The following STX17 variants were observed in gnomAD, a reference collection of about 807,000 sequenced individuals.
STX17 encodes the protein syntaxin-17.
Under a neutral mutation model 35.9 loss-of-function variants are expected in STX17, and 29 were observed. The observed-to-expected ratio is 0.81, with a 90% confidence interval of 0.60 to 1.10. The LOEUF (loss-of-function observed/expected upper bound fraction) is 1.10. Ranked by LOEUF, STX17 falls within the 50% of genes least tolerant of loss-of-function variation. The pLI, the probability that STX17 is intolerant of heterozygous loss-of-function variation, is 0.00. For synonymous variants in STX17, 92 were observed against 118.3 expected (o/e 0.78, Z 1.44); for missense variants, 312 against 352.3 (o/e 0.89, Z 0.92).
chr9:99,967,796 G>C (rs1025764709), intron 7 of STX17, 57 bp downstream of exon 7: 17 of 1,475,736 alleles, frequency 1.2e-5, no homozygotes, highest in Admixed American at 1.7e-5. Context: ...GGAATCTCTA[G>C]TATTAACCCA....
chr9:99,932,400 T>G (rs548661289), intron 3 of STX17, among the ~76,000 whole-genome samples: 1 of 152,118 alleles, frequency 6.6e-6, no homozygotes, highest in Non-Finnish European at 1.5e-5. Flanking sequence ...TCTCTATAGC[T>G]GTATTTACTG....
At position 99,959,904 on chromosome 9, in the gene STX17, T is replaced by G; in HGVS notation, c.416-13T>G. ...AAATAAACTCTAAACATGGGGTTAT[T>G]ATGTTCATCCAGGAGCATTTCATAC... is the stretch of plus-strand genomic sequence containing the variant. On this transcript the variant is annotated splice_polypyrimidine_tract_variant and intron_variant, in intron 4 of 7. Coordinates refer to ENST00000259400, the MANE Select transcript of STX17 (RefSeq NM_017919.3). 1 of 1,577,012 alleles carries G rather than the reference T, an allele frequency of 6.3e-7. No individual in the cohort carries two copies.
At chr9:99,952,420 A>T (rs1017276584) in intron 4 of STX17, among the ~76,000 whole-genome samples, 11 of 152,326 alleles carry the variant, frequency 7.2e-5, no homozygotes, top group African/African-American at 9.6e-5. Context: ...GAACACTTTT[A>T]CACTGTTGGT....
Position 99,970,445 on chromosome 9 carries a change from A to T in STX17, c.*1772A>T, listed in dbSNP as rs991866647. The T allele has an allele frequency of 6.6e-6, 1 of 152,208 alleles. No homozygotes were observed. The highest frequency in any genetic ancestry group is 2.4e-5 in the African/African-American group (1 of 41,452). 9.4% of individuals were successfully genotyped at this position (152,208 alleles called of 1,614,324 possible). On this transcript the variant is annotated 3_prime_UTR_variant, in exon 8 of 8. Coordinates refer to ENST00000259400, the MANE Select transcript of STX17 (RefSeq NM_017919.3). The stretch of plus-strand genomic sequence containing the variant: ...TGATCCAGTATTGGACACCTGTGAT[A>T]TTGGACACCTGTGAGGCTGGGATAA...
chr9:99,941,830 C>A (rs1254781739), intron 3 of STX17, among the ~76,000 whole-genome samples: 2 of 152,096 alleles, frequency 1.3e-5, no homozygotes, highest in Non-Finnish European at 2.9e-5. Flanking sequence ...AATAGTTCAT[C>A]CATTTTCATT....
chr9:99,953,395 C>A (rs916552846), intron 4 of STX17, among the ~76,000 whole-genome samples: 3 of 152,048 alleles, frequency 2.0e-5, no homozygotes, highest in Non-Finnish European at 4.4e-5. Context: ...CTGTGGATAA[C>A]CAGTACTGTA....
rs1830046877 is a variant in STX17, at chr9:99,973,144, TG to T, written c.*4473del. ...AAACCATCAATGTAAAGGATCCACATGGTATGTATCCACATTGCTACTCTCA... is the reference window on the plus strand; with the variant it reads ...AAACCATCAATGTAAAGGATCCACATGTATGTATCCACATTGCTACTCTCA... On this transcript the variant is annotated 3_prime_UTR_variant, in exon 8 of 8. Coordinates refer to ENST00000259400, the MANE Select transcript of STX17 (RefSeq NM_017919.3). Among the ~76,000 whole-genome samples, 1 of 151,930 alleles carries T rather than the reference TG, an allele frequency of 6.6e-6. No homozygotes were observed. The highest frequency in any genetic ancestry group is 2.4e-5 in the African/African-American group (1 of 41,352).
intron 3 of STX17, among the ~76,000 whole-genome samples, chr9:99,936,029 CTTCCACTCTG>C (rs1044536523): frequency 1.9e-4 from 29 of 152,202 alleles, no homozygotes; most frequent in Admixed American, 7.2e-4. Context: ...CTCTGAGCTT[CTTCCACTCTG>C]CATAAATACT....
rs1203635229 is a variant in STX17, at chr9:99,973,619, A to G, written c.*4946A>G. On this transcript the variant is annotated 3_prime_UTR_variant, in exon 8 of 8. Transcript: ENST00000259400. The stretch of plus-strand genomic sequence containing the variant: ...CAATTCTCCCTTAAATGTTAGTTGC[A>G]TCCATTTCTAAATATATCCATGGCC... Among the ~76,000 whole-genome samples, 1 of 152,174 alleles carries G rather than the reference A, an allele frequency of 6.6e-6. No homozygotes were observed. Among genetic ancestry groups the G allele is most frequent in the East Asian group, 1.9e-4 (1 of 5,198 alleles).
At chr9:99,946,671 T>C (rs1829488509) in intron 3 of STX17, among the ~76,000 whole-genome samples, 1 of 152,228 alleles carries the variant, frequency 6.6e-6, no homozygotes, top group Non-Finnish European at 1.5e-5. Context: ...TGTTATTGAC[T>C]GAAGGCAAAT....
chr9:99,918,565 T>C (rs1312724376), intron 2 of STX17, among the ~76,000 whole-genome samples: 1 of 152,064 alleles, frequency 6.6e-6, no homozygotes, highest in Non-Finnish European at 1.5e-5. Context: ...GTCCCTTTTT[T>C]CTTTCTTCTC....
At chr9:99,949,934 C>T (rs1829558104) in intron 3 of STX17, among the ~76,000 whole-genome samples, 1 of 90,242 alleles carries the variant, frequency 1.1e-5, no homozygotes, top group African/African-American at 5.1e-5. Context: ...TGTACATGCA[C>T]ACATGTATAC....
chr9:99,920,170 G>A (rs1217331716), intron 2 of STX17, among the ~76,000 whole-genome samples: 2 of 152,202 alleles, frequency 1.3e-5, no homozygotes, highest in Admixed American at 1.3e-4. Flanking sequence ...AATCTTGTCA[G>A]TGTTTGGTTA....
At chr9:99,967,867 C>G in intron 7 of STX17, 128 bp downstream of exon 7, 1 of 755,510 alleles carries the variant, frequency 1.3e-6, no homozygotes, top group Non-Finnish European at 2.3e-6. Flanking sequence ...GAAGAAATGA[C>G]ACATAGGTAG....
intron 2 of STX17, among the ~76,000 whole-genome samples, chr9:99,916,639 G>C (rs923325135): frequency 6.6e-6 from 1 of 151,990 alleles, no homozygotes; most frequent in East Asian, 1.9e-4. Context: ...TCAGTTCTGA[G>C]AATATTAAAA....
At chr9:99,921,196 GA>G (rs1441741533) in intron 2 of STX17, among the ~76,000 whole-genome samples, 5 of 152,002 alleles carry the variant, frequency 3.3e-5, no homozygotes, top group East Asian at 1.9e-4. Context: ...GTGTGCTTCT[GA>G]AAAAAAGTGT....
chr9:99,968,853 G>T lies in STX17; in HGVS notation c.*180G>T. 1 of 928,602 alleles carries T rather than the reference G, an allele frequency of 1.1e-6. No homozygotes were observed. The highest frequency in any genetic ancestry group is 1.7e-5 in the African/African-American group (1 of 58,936). 57.5% of individuals were successfully genotyped at this position (928,602 alleles called of 1,614,324 possible). A position where few individuals can be genotyped will look rare whatever the true frequency, so the allele number is the denominator to read the frequency against. ...TGTTTGCTGGGGTGTTCATGGAGAT[G>T]TTAAGAGATTGAGGCCCTGGGCTGA... On this transcript the variant is annotated 3_prime_UTR_variant, in exon 8 of 8. Transcript: ENST00000259400.
intron 4 of STX17, among the ~76,000 whole-genome samples, chr9:99,952,581 G>A (rs577148936): frequency 9.6e-4 from 146 of 152,182 alleles, no homozygotes; most frequent in Middle Eastern, 3.4e-3. Context: ...ACATGCACAC[G>A]TATGTTTATT....
At chr9:99,940,776 C>T (rs1013097753) in intron 3 of STX17, among the ~76,000 whole-genome samples, 19 of 152,090 alleles carry the variant, frequency 1.2e-4, no homozygotes, top group African/African-American at 2.9e-4. Flanking sequence ...CCACCGCACC[C>T]GGCCTAGAAT....
Sources: gnomAD v4.1 joint callset for allele counts (sites outside exome capture counted in the v4.1 genomes callset) on GRCh38, gnomAD v4.1.1 for gene constraint, MANE v1.5 for transcripts, NCBI Gene and HGNC (gene_info 2026-07-23, HGNC 2026-07-21) for gene names.